The following RBFOX1 variants were observed in gnomAD, a reference collection of about 807,000 sequenced individuals.
RBFOX1 encodes the protein RNA binding fox-1 homolog 1.
In RBFOX1, 8 loss-of-function variants were observed where a neutral mutation model predicts 57.7. That is an observed-to-expected ratio of 0.14 (90% CI 0.08 to 0.25). The LOEUF (loss-of-function observed/expected upper bound fraction) is 0.25. Among genes scored for constraint, RBFOX1 ranks in the 10% least tolerant of loss-of-function variants. The probability of loss-of-function intolerance (pLI) is 1.00; values close to 1 mark genes in which losing one functional copy is unlikely to be tolerated. For synonymous variants in RBFOX1, 326 were observed against 222.4 expected, an observed-to-expected ratio of 1.47 and a Z score of -4.15; for missense variants, 611 against 548.5, an observed-to-expected ratio of 1.11 and a Z score of -1.14.
At chr16:6,522,624 A>G (rs950129214) in intron 2 of RBFOX1, among the ~76,000 whole-genome samples, 29 of 152,144 alleles carry the variant, frequency 1.9e-4, no homozygotes, top group African/African-American at 5.8e-4. Flanking sequence ...AGAAACCATA[A>G]CTTGGGTTGG....
intron 4 of RBFOX1, among the ~76,000 whole-genome samples, chr16:7,388,524 A>G (rs1165772103): frequency 1.3e-5 from 2 of 151,738 alleles, no homozygotes; most frequent in African/African-American, 4.8e-5. Flanking sequence ...CCCTTCCCTG[A>G]GCTTAAGCCC....
At chr16:6,827,422 G>A (rs1216857471) in intron 3 of RBFOX1, among the ~76,000 whole-genome samples, 4 of 151,742 alleles carry the variant, frequency 2.6e-5, no homozygotes, top group African/African-American at 4.8e-5. Context: ...AGGGAAGGAA[G>A]AGAAGTTTGG....
intron 2 of RBFOX1, among the ~76,000 whole-genome samples, chr16:5,564,187 T>A (rs980557013): frequency 3.4e-5 from 5 of 146,952 alleles, no homozygotes; most frequent in Non-Finnish European, 7.5e-5. Context: ...AATTTTTGTA[T>A]TTTTTTTTTT....
chr16:6,073,344 C>T (rs890705041), intron 1 of RBFOX1, among the ~76,000 whole-genome samples: 1 of 152,168 alleles, frequency 6.6e-6, no homozygotes, highest in Admixed American at 6.5e-5. Flanking sequence ...ATAAAATTCT[C>T]TCTTGTATCT....
chr16:6,331,065 G>GT (rs1280980832), intron 2 of RBFOX1, among the ~76,000 whole-genome samples: 1 of 152,200 alleles, frequency 6.6e-6, no homozygotes, highest in East Asian at 1.9e-4. Flanking sequence ...AAGGAAGTTA[G>GT]TAATACTTGT....
chr16:5,257,689 A>G (rs2062622950), intron 1 of RBFOX1, among the ~76,000 whole-genome samples: 1 of 152,118 alleles, frequency 6.6e-6, no homozygotes, highest in Admixed American at 6.5e-5. Flanking sequence ...TCTTCCATGA[A>G]GCAAGGCGCA....
intron 1 of RBFOX1, among the ~76,000 whole-genome samples, chr16:6,054,739 T>G (rs2095593911): frequency 6.6e-6 from 1 of 152,310 alleles, no homozygotes; most frequent in African/African-American, 2.4e-5. Flanking sequence ...CATCTTCACA[T>G]AAGATTCATC....
chr16:6,436,778 G>A (rs1190368802), intron 2 of RBFOX1, among the ~76,000 whole-genome samples: 1 of 151,844 alleles, frequency 6.6e-6, no homozygotes, highest in Non-Finnish European at 1.5e-5. Flanking sequence ...ATTATTTGTT[G>A]GATGAATGAA....
intron 3 of RBFOX1, among the ~76,000 whole-genome samples, chr16:6,753,390 C>G (rs4442813): frequency 0.55 from 83,460 of 152,026 alleles, 23,796 homozygotes; most frequent in Admixed American, 0.63. Flanking sequence ...AACACATAGA[C>G]TGAGATAAAA....
At chr16:6,760,453 A>G (rs1193112432) in intron 3 of RBFOX1, among the ~76,000 whole-genome samples, 1 of 152,220 alleles carries the variant, frequency 6.6e-6, no homozygotes, top group Non-Finnish European at 1.5e-5. Flanking sequence ...AAAGGCATGT[A>G]TTATTAAGAA....
intron 3 of RBFOX1, among the ~76,000 whole-genome samples, chr16:7,043,501 GT>G (rs1568503789): frequency 6.6e-6 from 1 of 152,146 alleles, no homozygotes; most frequent in Non-Finnish European, 1.5e-5. Context: ...GGAGACGTGC[GT>G]TTATAGGAAA....
chr16:6,780,390 ATATATATTTTTATATATATT>A (rs1488084819), intron 3 of RBFOX1, among the ~76,000 whole-genome samples: 13 of 89,094 alleles, frequency 1.5e-4, no homozygotes, highest in Admixed American at 6.6e-4. Flanking sequence ...TATACATATT[ATATATATTTTTATATATATT>A]TATATATATT....
At chr16:7,270,189 T>C (rs867987743) in intron 4 of RBFOX1, among the ~76,000 whole-genome samples, 13 of 152,242 alleles carry the variant, frequency 8.5e-5, no homozygotes, top group African/African-American at 1.9e-4. Flanking sequence ...GCCAGGGCTC[T>C]GTTCCGCCCC....
chr16:7,643,314 T>G (rs1252530663), intron 11 of RBFOX1, among the ~76,000 whole-genome samples: 1 of 152,214 alleles, frequency 6.6e-6, no homozygotes, highest in African/African-American at 2.4e-5. Flanking sequence ...TTACATGTAA[T>G]TTTATTTTCC....
intron 4 of RBFOX1, among the ~76,000 whole-genome samples, chr16:7,480,746 A>C: frequency 6.6e-6 from 1 of 152,256 alleles, no homozygotes; most frequent in South Asian, 2.1e-4. Context: ...GCTTGACTGC[A>C]AGGGGATGTG....
At chr16:5,553,059 A>G (rs1393106812) in intron 2 of RBFOX1, among the ~76,000 whole-genome samples, 1 of 152,100 alleles carries the variant, frequency 6.6e-6, no homozygotes, top group Non-Finnish European at 1.5e-5. Context: ...GCATGTTCTC[A>G]TTCATAGGTG....
At chr16:7,366,127 G>C (rs1210049182) in intron 4 of RBFOX1, among the ~76,000 whole-genome samples, 2 of 150,092 alleles carry the variant, frequency 1.3e-5, no homozygotes, top group East Asian at 4.0e-4. Context: ...GCACAGACAT[G>C]GCAGCTGACC....
intron 13 of RBFOX1, among the ~76,000 whole-genome samples, chr16:7,669,508 T>C (rs2070669133): frequency 6.6e-6 from 1 of 152,158 alleles, no homozygotes. Context: ...TGTTCCTTTT[T>C]ATTAAGAACA....
chr16:7,171,727 C>G (rs1372009557), intron 4 of RBFOX1, among the ~76,000 whole-genome samples: 1 of 152,190 alleles, frequency 6.6e-6, no homozygotes, highest in Non-Finnish European at 1.5e-5. Context: ...AACAGCTAAG[C>G]CTCAGAACTG....
Sources: gnomAD v4.1 joint callset for allele counts (sites outside exome capture counted in the v4.1 genomes callset) on GRCh38, gnomAD v4.1.1 for gene constraint, MANE v1.5 for transcripts, NCBI Gene and HGNC (gene_info 2026-07-23, HGNC 2026-07-21) for gene names.